The following EPHA5 variants were observed in gnomAD, a reference collection of about 807,000 sequenced individuals.
The protein encoded by EPHA5 is EPH receptor A5, also known as ephrin type-A receptor 5.
EPHA5 carries 60 observed loss-of-function variants against 105.0 expected under a neutral mutation model. That is an observed-to-expected ratio of 0.57 (90% CI 0.46 to 0.71). The LOEUF is 0.71. Among genes scored for constraint, EPHA5 ranks in the 30% least tolerant of loss-of-function variants. The probability of loss-of-function intolerance (pLI) is 0.00; values close to 1 mark genes in which losing one functional copy is unlikely to be tolerated. For missense variants in EPHA5, 1,218 were observed against 1,274.7 expected (o/e 0.96, Z 0.68); for synonymous variants, 513 against 449.1 (o/e 1.14, Z -1.80).
At chr4:65,436,738 C>T (rs1256977471) in intron 5 of EPHA5, among the ~76,000 whole-genome samples, 4 of 151,904 alleles carry the variant, frequency 2.6e-5, no homozygotes, top group African/African-American at 4.8e-5. Flanking sequence ...ATTACCAGAA[C>T]GATAACTAAC....
intron 5 of EPHA5, among the ~76,000 whole-genome samples, chr4:65,467,213 G>A (rs573451197): frequency 6.6e-6 from 1 of 152,284 alleles, no homozygotes; most frequent in South Asian, 2.1e-4. Context: ...CAGCCAGTCA[G>A]AATGACATAT....
At chr4:65,585,036 C>T (rs924059755) in intron 3 of EPHA5, among the ~76,000 whole-genome samples, 1 of 151,674 alleles carries the variant, frequency 6.6e-6, no homozygotes, top group African/African-American at 2.4e-5. Context: ...CCTCCAGCTC[C>T]AGTACTTACC....
At chr4:65,530,820 C>T (rs1735696518) in intron 3 of EPHA5, among the ~76,000 whole-genome samples, 1 of 151,998 alleles carries the variant, frequency 6.6e-6, no homozygotes, top group Non-Finnish European at 1.5e-5. Flanking sequence ...TTCCTTTTTG[C>T]TTAGGAACAG....
At chr4:65,402,498 T>G (rs1365130016) in intron 8 of EPHA5, among the ~76,000 whole-genome samples, 3 of 152,194 alleles carry the variant, frequency 2.0e-5, no homozygotes, top group Non-Finnish European at 2.9e-5. Context: ...GTGCTAAGTC[T>G]ACACCAACAT....
chr4:65,479,373 C>T (rs1052724416), intron 5 of EPHA5, among the ~76,000 whole-genome samples: 1 of 152,136 alleles, frequency 6.6e-6, no homozygotes, highest in African/African-American at 2.4e-5. Context: ...CACTAATCTG[C>T]TGTTCTATGT....
chr4:65,626,058 G>T (rs1158435376), intron 2 of EPHA5, among the ~76,000 whole-genome samples: 1 of 145,316 alleles, frequency 6.9e-6, no homozygotes, highest in Admixed American at 7.0e-5. Context: ...CCGAGATCGC[G>T]CCACTGCACT....
At chr4:65,438,302 T>A (rs1007794652) in intron 5 of EPHA5, among the ~76,000 whole-genome samples, 1 of 151,976 alleles carries the variant, frequency 6.6e-6, no homozygotes, top group Non-Finnish European at 1.5e-5. Context: ...TTTCATCTTA[T>A]TTCTCCCAAT....
At chr4:65,624,722 A>T (rs1406674413) in intron 2 of EPHA5, among the ~76,000 whole-genome samples, 1 of 152,194 alleles carries the variant, frequency 6.6e-6, no homozygotes, top group Non-Finnish European at 1.5e-5. Context: ...AGCAAGGATG[A>T]ATTTCATAAT....
intron 2 of EPHA5, among the ~76,000 whole-genome samples, chr4:65,635,424 G>T (rs4288059): frequency 0.58 from 88,110 of 151,896 alleles, 25,692 homozygotes; most frequent in Middle Eastern, 0.69. Context: ...ACTGGAGGAA[G>T]AAAATAGAGC....
At chr4:65,331,852 CTTT>C in intron 16 of EPHA5, 118 bp downstream of exon 16, 3 of 1,435,692 alleles carry the variant, frequency 2.1e-6, no homozygotes, top group Non-Finnish European at 9.1e-7. Context: ...GATGAGGCTT[CTTT>C]GAGAGCTGCC....
At chr4:65,441,610 A>G (rs1726022603) in intron 5 of EPHA5, among the ~76,000 whole-genome samples, 1 of 152,158 alleles carries the variant, frequency 6.6e-6, no homozygotes, top group African/African-American at 2.4e-5. Flanking sequence ...GGAATGACCT[A>G]GAAGAACAAA....
intron 3 of EPHA5, among the ~76,000 whole-genome samples, chr4:65,597,123 G>A (rs1000718422): frequency 3.9e-5 from 6 of 152,228 alleles, no homozygotes; most frequent in African/African-American, 9.6e-5. Context: ...AGCCCTTGAC[G>A]TGTAACCCTC....
At chr4:65,651,878 G>A (rs773548912) in intron 1 of EPHA5, among the ~76,000 whole-genome samples, 3 of 152,036 alleles carry the variant, frequency 2.0e-5, no homozygotes, top group Admixed American at 6.6e-5. Flanking sequence ...CCACTGGTTC[G>A]TCTGTACAAA....
intron 8 of EPHA5, among the ~76,000 whole-genome samples, chr4:65,399,263 G>C (rs545647907): frequency 1.3e-5 from 2 of 152,274 alleles, no homozygotes; most frequent in African/African-American, 2.4e-5. Flanking sequence ...CTGGTATCAG[G>C]AGCAACCCAC....
chr4:65,421,981 T>A (rs1471615735), intron 5 of EPHA5, among the ~76,000 whole-genome samples: 1 of 152,110 alleles, frequency 6.6e-6, no homozygotes, highest in Non-Finnish European at 1.5e-5. Flanking sequence ...AATAAAATAA[T>A]CATTTGTGGG....
At chr4:65,547,378 A>G (rs376125973) in intron 3 of EPHA5, among the ~76,000 whole-genome samples, 186 of 152,086 alleles carry the variant, frequency 1.2e-3, no homozygotes, top group African/African-American at 4.4e-3. Context: ...GCAGGTAATA[A>G]AAATGAGCAA....
At chr4:65,434,998 C>T (rs1359294637) in intron 5 of EPHA5, among the ~76,000 whole-genome samples, 1 of 151,954 alleles carries the variant, frequency 6.6e-6, no homozygotes, top group Non-Finnish European at 1.5e-5. Context: ...AAATATAGGT[C>T]CTTGTAATTT....
chr4:65,527,963 G>A (rs1352703310), intron 3 of EPHA5, among the ~76,000 whole-genome samples: 1 of 151,930 alleles, frequency 6.6e-6, no homozygotes, highest in Non-Finnish European at 1.5e-5. Flanking sequence ...CTGATCCAGT[G>A]GTAGTTTGCT....
At chr4:65,534,783 G>A (rs746886134) in intron 3 of EPHA5, among the ~76,000 whole-genome samples, 1 of 152,152 alleles carries the variant, frequency 6.6e-6, no homozygotes, top group Non-Finnish European at 1.5e-5. Context: ...GATTATTCTA[G>A]ATGAGAGAAA....
Sources: gnomAD v4.1 joint callset for allele counts (sites outside exome capture counted in the v4.1 genomes callset) on GRCh38, gnomAD v4.1.1 for gene constraint, MANE v1.5 for transcripts, NCBI Gene and HGNC (gene_info 2026-07-23, HGNC 2026-07-21) for gene names.